Variants in FGD4 observed in about 807,000 individuals in gnomAD.
FGD4 encodes the protein FYVE, RhoGEF and PH domain-containing protein 4.
A neutral mutation model predicts 102.0 loss-of-function variants in FGD4; 42 were observed. The ratio of observed to expected loss-of-function variants is 0.41; its 90% CI spans 0.32 to 0.53. The LOEUF is 0.53. Among genes scored for constraint, FGD4 ranks in the 20% least tolerant of loss-of-function variants. The probability of loss-of-function intolerance (pLI) is 0.21; values close to 1 mark genes in which losing one functional copy is unlikely to be tolerated. For missense variants in FGD4, 902 were observed against 1,078.2 expected (o/e 0.84, Z 2.29); for synonymous variants, 380 against 375.7 (o/e 1.01, Z -0.13).
At chr12:32,474,852 C>T (rs550198271) in intron 1 of FGD4, among the ~76,000 whole-genome samples, 10 of 152,174 alleles carry the variant, frequency 6.6e-5, no homozygotes, top group South Asian at 4.2e-4. Context: ...TGCGGTGAGC[C>T]GTGATTGCAC....
chr12:32,416,528 T>C (rs1026323884), intron 1 of FGD4, among the ~76,000 whole-genome samples: 25 of 152,176 alleles, frequency 1.6e-4, no homozygotes, highest in Non-Finnish European at 7.3e-5. Flanking sequence ...ATGCACACAA[T>C]GGACACACAT....
intron 1 of FGD4, among the ~76,000 whole-genome samples, chr12:32,495,779 C>G (rs1937776703): frequency 6.6e-6 from 1 of 151,954 alleles, no homozygotes; most frequent in South Asian, 2.1e-4. Context: ...TTGATCTCAC[C>G]CGCCTTGCAT....
intron 1 of FGD4, among the ~76,000 whole-genome samples, chr12:32,438,186 C>G (rs1942297544): frequency 6.6e-6 from 1 of 152,200 alleles, no homozygotes; most frequent in African/African-American, 2.4e-5. Context: ...GCCACCGCGT[C>G]TGGCCAGGAA....
chr12:32,444,466 G>A (rs1255422581), intron 1 of FGD4, among the ~76,000 whole-genome samples: 1 of 152,062 alleles, frequency 6.6e-6, no homozygotes, highest in African/African-American at 2.4e-5. Context: ...GTGCAGTGGT[G>A]CAATCTCGGC....
At chr12:32,543,812 A>G (rs1028838611) in intron 1 of FGD4, among the ~76,000 whole-genome samples, 2 of 152,052 alleles carry the variant, frequency 1.3e-5, no homozygotes, top group Non-Finnish European at 2.9e-5. Flanking sequence ...TATTTTTAGT[A>G]GAGACGGGGT....
intron 1 of FGD4, among the ~76,000 whole-genome samples, chr12:32,525,740 G>T (rs923154255): frequency 6.6e-6 from 1 of 152,232 alleles, no homozygotes; most frequent in Non-Finnish European, 1.5e-5. Context: ...CCAGGTGGGC[G>T]TGGGCTTGGT....
At chr12:32,552,847 G>T (rs568685497) in intron 1 of FGD4, among the ~76,000 whole-genome samples, 11 of 150,410 alleles carry the variant, frequency 7.3e-5, no homozygotes, top group Admixed American at 4.6e-4. Context: ...GCGCGATCTT[G>T]GCTCACCGCA....
intron 10 of FGD4, among the ~76,000 whole-genome samples, chr12:32,614,005 G>A (rs989875492): frequency 1.3e-5 from 2 of 152,176 alleles, no homozygotes; most frequent in African/African-American, 4.8e-5. Context: ...TGTTGAAGAT[G>A]AAACCTGCAG....
intron 1 of FGD4, among the ~76,000 whole-genome samples, chr12:32,453,504 G>C (rs1942868261): frequency 6.6e-6 from 1 of 151,750 alleles, no homozygotes; most frequent in Non-Finnish European, 1.5e-5. Flanking sequence ...AAAGTGCTGG[G>C]ATTACAGGTG....
intron 1 of FGD4, among the ~76,000 whole-genome samples, chr12:32,442,775 C>G (rs1218583140): frequency 6.6e-6 from 1 of 152,068 alleles, no homozygotes; most frequent in African/African-American, 2.4e-5. Context: ...CCATGCTGGT[C>G]TCGAACTCCT....
chr12:32,624,573 C>G (rs905148091), intron 12 of FGD4, 121 bp downstream of exon 12: 10 of 830,094 alleles, frequency 1.2e-5, no homozygotes, highest in Admixed American at 4.2e-5. Context: ...TGGGCTCAAG[C>G]AAGCCTTGCA....
At chr12:32,528,200 G>A (rs1835099596) in intron 1 of FGD4, among the ~76,000 whole-genome samples, 1 of 152,162 alleles carries the variant, frequency 6.6e-6, no homozygotes, top group African/African-American at 2.4e-5. Context: ...GCCTCCCAGA[G>A]TGCTGGGATT....
At chr12:32,540,913 G>A (rs111603013) in intron 1 of FGD4, among the ~76,000 whole-genome samples, 93 of 152,208 alleles carry the variant, frequency 6.1e-4, no homozygotes, top group African/African-American at 2.1e-3. Flanking sequence ...CCTCCCCATC[G>A]AGCCTTGCAG....
At chr12:32,563,083 G>A (rs1411298000) in intron 1 of FGD4, among the ~76,000 whole-genome samples, 1 of 148,588 alleles carries the variant, frequency 6.7e-6, no homozygotes, top group Admixed American at 6.7e-5. Flanking sequence ...CGGCTGGCCG[G>A]GCGGGGGGCT....
intron 6 of FGD4, 24 bp from the exon 7 acceptor site, chr12:32,602,137 C>T: frequency 1.9e-6 from 3 of 1,612,250 alleles, no homozygotes; most frequent in Non-Finnish European, 2.5e-6. Context: ...TTTTTAAAGA[C>T]TTGTTTTTCT....
chr12:32,618,011 G>C (rs1020955940), intron 10 of FGD4, among the ~76,000 whole-genome samples: 2 of 152,204 alleles, frequency 1.3e-5, no homozygotes, highest in Admixed American at 1.3e-4. Flanking sequence ...GAATATAATA[G>C]AGGGGATGTA....
chr12:32,634,773 G>A (rs1447994224), intron 15 of FGD4, among the ~76,000 whole-genome samples: 1 of 152,136 alleles, frequency 6.6e-6, no homozygotes. Flanking sequence ...GTTGGATCAC[G>A]AGGTCAAGAG....
At position 32,643,293 on chromosome 12, in the gene FGD4, C is replaced by T. The variant is rs993147468; in HGVS notation, c.*2760C>T. On this transcript the variant is annotated 3_prime_UTR_variant, in exon 17 of 17. Coordinates refer to ENST00000534526, the MANE Select transcript of FGD4 (RefSeq NM_001370298.3). ...ATCACAGTGTCATCATGTATGCAAG[C>T]AATAAAACTCTTTAGGGTATGGTTT... 4.6e-5 allele frequency: 7 copies of T among 152,340 alleles called. No individual in the cohort carries two copies. Among genetic ancestry groups the T allele is most frequent in the Non-Finnish European group, 7.4e-5 (5 of 67,918 alleles). The allele number at this position is 152,340 out of a possible 1,614,324, so 9.4% of individuals were successfully genotyped here.
chr12:32,407,029 T>C (rs901916130), intron 1 of FGD4, among the ~76,000 whole-genome samples: 1 of 151,622 alleles, frequency 6.6e-6, no homozygotes, highest in African/African-American at 2.4e-5. Flanking sequence ...GCCAGGCTGG[T>C]CTTGAACTCC....
Sources: allele counts gnomAD v4.1 joint callset (sites outside exome capture counted in the v4.1 genomes callset), GRCh38; gene constraint gnomAD v4.1.1; transcripts MANE v1.5; gene names NCBI Gene and HGNC (gene_info 2026-07-23, HGNC 2026-07-21).